Variants in PPIP5K2 observed in about 807,000 individuals in gnomAD.
The protein encoded by PPIP5K2 is inositol hexakisphosphate and diphosphoinositol-pentakisphosphate kinase 2.
In PPIP5K2, 105 loss-of-function variants were observed where a neutral mutation model predicts 154.6. The observed-to-expected ratio is 0.68, with a 90% CI of 0.58 to 0.80. PPIP5K2 has a LOEUF of 0.80. PPIP5K2 is among the 30% of genes least tolerant of loss of function. The pLI is 0.00. For synonymous variants in PPIP5K2, 480 were observed against 490.3 expected, an observed-to-expected ratio of 0.98 and a Z score of 0.28; for missense variants, 992 against 1,504.6, an observed-to-expected ratio of 0.66 and a Z score of 5.64.
At chr5:103,198,471 GGATT>G (rs1253079276) in intron 30 of PPIP5K2, among the ~76,000 whole-genome samples, 1 of 152,070 alleles carries the variant, frequency 6.6e-6, no homozygotes, top group Non-Finnish European at 1.5e-5. Context: ...TTCAAGGAAG[GGATT>G]GATTGTGCTA....
intron 28 of PPIP5K2, chr5:103,189,312 GT>G: frequency 9.2e-7 from 1 of 1,082,806 alleles, no homozygotes; most frequent in Non-Finnish European, 1.3e-6. Flanking sequence ...TAAAGGAAAA[GT>G]TTATTAAAGA....
chr5:103,159,039 T>C (rs1269588245), intron 16 of PPIP5K2, 107 bp from the exon 17 acceptor site: 3 of 789,120 alleles, frequency 3.8e-6, no homozygotes, highest in Non-Finnish European at 1.9e-6. Flanking sequence ...TAATAAAGTT[T>C]ATTTATGATA....
intron 15 of PPIP5K2, 32 bp from the exon 16 acceptor site, chr5:103,158,420 A>AC: frequency 6.3e-7 from 1 of 1,593,702 alleles, no homozygotes; most frequent in Non-Finnish European, 8.5e-7. Context: ...AAATGAAAAT[A>AC]TAGCTGAAGT....
At chr5:103,196,272 T>C (rs1802077588) in intron 30 of PPIP5K2, among the ~76,000 whole-genome samples, 1 of 152,172 alleles carries the variant, frequency 6.6e-6, no homozygotes, top group Non-Finnish European at 1.5e-5. Flanking sequence ...TAACACTCTG[T>C]GCTACTGATT....
chr5:103,194,834 TC>T, intron 29 of PPIP5K2, 65 bp from the exon 30 acceptor site: 3 of 1,514,834 alleles, frequency 2.0e-6, no homozygotes, highest in Non-Finnish European at 2.7e-6. Flanking sequence ...TAAGAAACTT[TC>T]TATGATGTTA....
chr5:103,200,360 T>C, intron 30 of PPIP5K2, among the ~76,000 whole-genome samples: 1 of 152,046 alleles, frequency 6.6e-6, no homozygotes, highest in East Asian at 1.9e-4. Flanking sequence ...ATGGTGCATA[T>C]TAGGGCCTGT....
At chr5:103,165,870 C>T (rs977973131) in intron 17 of PPIP5K2, among the ~76,000 whole-genome samples, 6 of 152,080 alleles carry the variant, frequency 3.9e-5, no homozygotes, top group Admixed American at 3.3e-4. Flanking sequence ...ATAGACATCT[C>T]AGTTGGTTTA....
chr5:103,145,185 C>A (rs1391819123), intron 5 of PPIP5K2, among the ~76,000 whole-genome samples: 1 of 151,956 alleles, frequency 6.6e-6, no homozygotes, highest in Non-Finnish European at 1.5e-5. Context: ...CAGAGAAATG[C>A]AAATCAAATC....
intron 1 of PPIP5K2, 181 bp downstream of exon 1, chr5:103,120,669 G>A: frequency 3.2e-6 from 1 of 309,040 alleles, no homozygotes. Context: ...CAGCTTTGAG[G>A]GTCCTTTCGC....
At chr5:103,125,516 G>C (rs1436230849) in intron 1 of PPIP5K2, among the ~76,000 whole-genome samples, 5 of 147,496 alleles carry the variant, frequency 3.4e-5, no homozygotes, top group Non-Finnish European at 7.5e-5. Context: ...TGGAATAACA[G>C]AAAAAAAAAG....
In PPIP5K2 at chr5:103,138,408, A is replaced by G; in HGVS notation, c.426A>G (p.Gln142=). The change falls in exon 5 of 31, where the codon CAA becomes CAG. Residue 142 remains glutamine, a synonymous_variant. Coordinates refer to ENST00000358359, the MANE Select transcript of PPIP5K2 (RefSeq NM_001276277.3). ...QDRREVYSIL[Q]AEGILLPRYA... is the part of the protein sequence containing the mutation. ...GGAGAGAAGTATATAGTATTCTTCAAGCTGAAGGTATTTTACTTCCTCGTT... is the reference window on the plus strand; with the variant it reads ...GGAGAGAAGTATATAGTATTCTTCAGGCTGAAGGTATTTTACTTCCTCGTT... 6.2e-7 allele frequency: 1 copy of G among 1,601,500 alleles called. No individual in the cohort carries two copies. The highest frequency in any genetic ancestry group is 2.2e-5 in the East Asian group (1 of 44,548).
chr5:103,196,019 A>T (rs935504758), intron 30 of PPIP5K2, among the ~76,000 whole-genome samples: 12 of 152,190 alleles, frequency 7.9e-5, no homozygotes, highest in Admixed American at 2.6e-4. Flanking sequence ...ACTGTCAGAA[A>T]TGATTGCAAT....
intron 19 of PPIP5K2, among the ~76,000 whole-genome samples, chr5:103,169,458 C>T (rs540577160): frequency 6.6e-6 from 1 of 151,832 alleles, no homozygotes; most frequent in African/African-American, 2.4e-5. Flanking sequence ...TCCTAATATT[C>T]ATAGACAGTA....
chr5:103,178,036 G>C, intron 23 of PPIP5K2, 56 bp downstream of exon 23: 1 of 1,081,470 alleles, frequency 9.2e-7, no homozygotes, highest in Non-Finnish European at 1.4e-6. Context: ...TTTTCATGAG[G>C]TTTCTATAAG....
In PPIP5K2 at chr5:103,167,301, G is replaced by A; in HGVS notation, c.2043G>A (p.Met681Ile). 3 of 1,584,606 alleles carry A rather than the reference G, an allele frequency of 1.9e-6. No homozygotes were observed. Among genetic ancestry groups the A allele is most frequent in the Non-Finnish European group, 2.6e-6 (3 of 1,166,818 alleles). The change falls in exon 18 of 31, where the codon ATG becomes ATA. Residue 681 changes from methionine to isoleucine, a missense_variant. Coordinates refer to ENST00000358359, the MANE Select transcript of PPIP5K2 (RefSeq NM_001276277.3). ...TGACTTCTCAAATCAGACATCGAAT[G>A]GAAGATCCTAAATCATCAGGTAAAT... is the stretch of plus-strand genomic sequence containing the variant. ...QSLTSQIRHR[M>I]EDPKSSDIQL... is the part of the protein sequence containing the mutation.
intron 2 of PPIP5K2, among the ~76,000 whole-genome samples, chr5:103,130,036 G>A (rs1184535814): frequency 6.6e-6 from 1 of 152,070 alleles, no homozygotes; most frequent in East Asian, 1.9e-4. Context: ...ATTGAAGATA[G>A]GTGGAAGGAA....
intron 19 of PPIP5K2, among the ~76,000 whole-genome samples, chr5:103,168,608 G>A (rs186439682): frequency 9.9e-5 from 15 of 151,642 alleles, no homozygotes; most frequent in African/African-American, 1.4e-4. Flanking sequence ...TACATAGCAC[G>A]TCCTCCCCCG....
chr5:103,126,633 TC>T (rs1283164151), intron 1 of PPIP5K2, among the ~76,000 whole-genome samples: 4 of 151,990 alleles, frequency 2.6e-5, no homozygotes, highest in Non-Finnish European at 5.9e-5. Context: ...TGGAAGCCAA[TC>T]CGAGTCCCAA....
At chr5:103,134,177 C>T (rs1791095559) in intron 3 of PPIP5K2, among the ~76,000 whole-genome samples, 1 of 152,052 alleles carries the variant, frequency 6.6e-6, no homozygotes, top group African/African-American at 2.4e-5. Context: ...CATATTCATA[C>T]TTTATTTTTA....
Sources: allele counts gnomAD v4.1 joint callset (sites outside exome capture counted in the v4.1 genomes callset), GRCh38; gene constraint gnomAD v4.1.1; transcripts MANE v1.5; gene names NCBI Gene and HGNC (gene_info 2026-07-23, HGNC 2026-07-21).